The following GYS2 variants were observed in gnomAD, a reference collection of about 807,000 sequenced individuals.
The protein encoded by GYS2 is glycogen synthase 2.
GYS2 carries 80 observed loss-of-function variants against 85.6 expected under a neutral mutation model. The ratio of observed to expected loss-of-function variants is 0.93; its 90% CI spans 0.78 to 1.13. The LOEUF is 1.13. Among genes scored for constraint, GYS2 ranks in the 50% most tolerant of loss-of-function variants. The pLI, the probability that GYS2 is intolerant of heterozygous loss-of-function variation, is 0.00. For missense variants in GYS2, 881 were observed against 854.9 expected, an observed-to-expected ratio of 1.03 and a Z score of -0.38; for synonymous variants, 328 against 300.7, an observed-to-expected ratio of 1.09 and a Z score of -0.94.
intron 10 of GYS2, 148 bp downstream of exon 10, chr12:21,558,943 A>G: frequency 1.9e-6 from 1 of 529,670 alleles, no homozygotes; most frequent in Middle Eastern, 5.2e-4. Context: ...AAAATGTCCA[A>G]AGTAATCATT....
Position 21,591,423 on chromosome 12 carries a change from T to G in GYS2, c.122-10900A>C, listed in dbSNP as rs535559153. Among the ~76,000 whole-genome samples the G allele has an allele frequency of 1.8e-4, 27 of 151,770 alleles. 1 individual carries two copies. The South Asian group carries it at 5.2e-3, about 29-fold the overall frequency. On this transcript the variant is annotated intron_variant, in intron 1 of 15. Coordinates refer to ENST00000261195, the MANE Select transcript of GYS2 (RefSeq NM_021957.4). ...AAATTTCAGAACTTGAAGACAGGTC[T>G]TTTAAAATTAGCTGGTCAAATGATA...
At chr12:21,535,928 T>G (rs1943905698), downstream of GYS2, among the ~76,000 whole-genome samples, 1 of 152,230 alleles carries the variant, frequency 6.6e-6, no homozygotes, top group South Asian at 2.1e-4. Context: ...ATCATTCATC[T>G]ATGACTCTAT....
At chr12:21,586,823 G>A (rs1944579833) in intron 1 of GYS2, among the ~76,000 whole-genome samples, 1 of 152,152 alleles carries the variant, frequency 6.6e-6, no homozygotes, top group Non-Finnish European at 1.5e-5. Context: ...CCACTACTGG[G>A]TATGGACCCA....
At chr12:21,563,735 T>C (rs930459109) in intron 5 of GYS2, among the ~76,000 whole-genome samples, 3 of 152,192 alleles carry the variant, frequency 2.0e-5, no homozygotes, top group Non-Finnish European at 4.4e-5. Context: ...AGTGCTCTTA[T>C]CTGCATTTTC....
intron 1 of GYS2, among the ~76,000 whole-genome samples, chr12:21,590,432 G>T (rs559488760): frequency 1.5e-4 from 23 of 152,176 alleles, no homozygotes; most frequent in Non-Finnish European, 3.4e-4. Flanking sequence ...TACCCAATCT[G>T]CCACTGCCAT....
chr12:21,574,672 T>C (rs60458317), intron 3 of GYS2, among the ~76,000 whole-genome samples: 3,931 of 152,152 alleles, frequency 0.026, 180 homozygotes, highest in African/African-American at 0.089. Flanking sequence ...ATAAATAAAT[T>C]CTTAAAGATA....
At chr12:21,592,735 C>G (rs910371037) in intron 1 of GYS2, among the ~76,000 whole-genome samples, 3 of 152,110 alleles carry the variant, frequency 2.0e-5, no homozygotes, top group Middle Eastern at 3.4e-3. Context: ...ATCATCTAGA[C>G]AGAAAATTAA....
intron 11 of GYS2, among the ~76,000 whole-genome samples, chr12:21,554,955 A>G (rs1441703960): frequency 1.3e-5 from 2 of 152,220 alleles, no homozygotes; most frequent in Non-Finnish European, 2.9e-5. Flanking sequence ...CAAGGGAAGC[A>G]TGAACTATTG....
intron 11 of GYS2, among the ~76,000 whole-genome samples, chr12:21,549,334 A>T (rs1944079304): frequency 6.6e-6 from 1 of 152,252 alleles, no homozygotes; most frequent in Non-Finnish European, 1.5e-5. Context: ...TCCAAGTACA[A>T]TATGAAGAGA....
chr12:21,558,394 T>G, intron 10 of GYS2, 81 bp from the exon 11 acceptor site: 1 of 851,288 alleles, frequency 1.2e-6, no homozygotes, highest in Non-Finnish European at 2.0e-6. Context: ...GTCATTGACA[T>G]TTCATCCAAC....
At chr12:21,599,056 T>G (rs999658971) in intron 1 of GYS2, among the ~76,000 whole-genome samples, 1 of 125,586 alleles carries the variant, frequency 8.0e-6, no homozygotes, top group Non-Finnish European at 1.7e-5. Context: ...GATCTCTTTC[T>G]CTGCCTCTCT....
chr12:21,538,505 G>A (rs564921794), intron 15 of GYS2, among the ~76,000 whole-genome samples: 20 of 152,244 alleles, frequency 1.3e-4, no homozygotes, highest in African/African-American at 4.1e-4. Context: ...GCTGGTTTGC[G>A]GAGATTTACA....
downstream of GYS2, among the ~76,000 whole-genome samples, chr12:21,534,826 T>C (rs1349196854): frequency 2.6e-5 from 4 of 152,188 alleles, no homozygotes; most frequent in African/African-American, 4.8e-5. Flanking sequence ...GTTCCTGTCC[T>C]TCAATTTATG....
chr12:21,574,151 A>G lies in GYS2; in HGVS notation c.671T>C (p.Leu224Pro). Reference protein sequence around the residue: ...CAANIDFYNHLDKFNIDKEAG... With the variant: ...CAANIDFYNHPDKFNIDKEAG... ...GGAGGAAGGAATATTTACCTTATCA[A>G]GATGGTTGTAGAAATCAATATTTGC... Residue 224 changes from leucine to proline, a missense_variant, in exon 4 of 16, where the codon CTT becomes CCT. Transcript: ENST00000261195. 3 of 1,609,668 alleles carry G rather than the reference A, an allele frequency of 1.9e-6. No individual in the cohort carries two copies. Among genetic ancestry groups the G allele is most frequent in the East Asian group, 2.2e-5 (1 of 44,856 alleles).
In GYS2 at chr12:21,575,968, C is replaced by A. The variant is rs373285780; in HGVS notation, c.393G>T (p.Lys131Asn). 6.2e-7 allele frequency: 1 copy of A among 1,613,658 alleles called. No homozygotes were observed. The highest frequency in any genetic ancestry group is 8.5e-7 in the Non-Finnish European group (1 of 1,179,726). The change falls in exon 3 of 16, where the codon AAG becomes AAT. Residue 131 changes from lysine to asparagine, a missense_variant. Physicochemically the swap from Lys to Asn is moderately conservative, Grantham distance 94. Transcript: ENST00000261195. ...GYSAWNLDRW[K>N]GDLWEACSVG... ...CACTGCATGCTTCCCAGAGGTCACC[C>A]TTCCACCTGTCCAGATTCCAAGCTG...
rs1188012836 is a variant in GYS2 at position 21,537,047 on chromosome 12, C to T, written c.2019G>A (p.Glu673=). ...TGATATTTAACCGATCCCTTTCAGC[C>T]TCCTCTTCCTCATCGTATCTCTCAT... is the stretch of plus-strand genomic sequence containing the variant. ...VEDERYDEEE[E]AERDRLNIKS... Residue 673 remains glutamate, a synonymous_variant, in exon 16 of 16, where the codon GAG becomes GAA. Coordinates refer to ENST00000261195, the MANE Select transcript of GYS2 (RefSeq NM_021957.4). 1.2e-6 allele frequency: 2 copies of T among 1,614,004 alleles called. No individual in the cohort carries two copies. The highest frequency in any genetic ancestry group is 3.3e-5 in the Admixed American group (2 of 60,012).
chr12:21,559,940 T>C (rs1381372853), intron 8 of GYS2, among the ~76,000 whole-genome samples: 1 of 152,246 alleles, frequency 6.6e-6, no homozygotes, highest in African/African-American at 2.4e-5. Context: ...GAGCTTAAAA[T>C]TTTTTTGCTT....
rs199980772 is a variant in GYS2, at chr12:21,580,503, T to C, written c.142A>G (p.Ile48Val). ...GCTGTTGTTTTGGCCTTTGTCTGAA[T>C]CACAGTATAGATGCCTCCAACTGTT... Reference protein sequence around the residue: ...TNKVGGIYTVIQTKAKTTADE... With the variant: ...TNKVGGIYTVVQTKAKTTADE... Residue 48 changes from isoleucine to valine, a missense_variant, in exon 2 of 16, where the codon ATT (isoleucine) becomes GTT (valine). Coordinates refer to ENST00000261195, the MANE Select transcript of GYS2 (RefSeq NM_021957.4). 13 of 1,613,418 alleles carry C rather than the reference T, an allele frequency of 8.1e-6. No homozygotes were observed. The highest frequency in any genetic ancestry group is 2.5e-6 in the Non-Finnish European group (3 of 1,179,694).
chr12:21,562,658 A>G (rs1418736030), intron 7 of GYS2, among the ~76,000 whole-genome samples: 1 of 142,740 alleles, frequency 7.0e-6, no homozygotes, highest in Non-Finnish European at 1.5e-5. Flanking sequence ...GAATGGGATA[A>G]GCTTAATGAG....
Sources: gnomAD v4.1 joint callset for allele counts (sites outside exome capture counted in the v4.1 genomes callset) on GRCh38, gnomAD v4.1.1 for gene constraint, MANE v1.5 for transcripts, NCBI Gene and HGNC (gene_info 2026-07-23, HGNC 2026-07-21) for gene names.